Variants in AMIGO3 observed in about 807,000 individuals in gnomAD.
AMIGO3 encodes the protein amphoterin-induced protein 3.
AMIGO3 carries 6 observed loss-of-function variants against 4.3 expected under a neutral mutation model. That is an observed-to-expected ratio of 1.39 (90% CI 0.76 to 2.75). The LOEUF (loss-of-function observed/expected upper bound fraction) is 2.75. Among genes scored for constraint, AMIGO3 ranks in the 30% most tolerant of loss-of-function variants. The pLI is 0.00. For missense variants in AMIGO3, 771 were observed against 692.1 expected (o/e 1.11, Z -1.28); for synonymous variants, 315 against 320.0 (o/e 0.98, Z 0.17).
rs2080310110 is a variant in AMIGO3, at chr3:49,718,692, C to T, written c.774G>A (p.Ala258=). 6.2e-7 allele frequency: 1 copy of T among 1,612,966 alleles called. No individual in the cohort carries two copies. Among genetic ancestry groups the T allele is most frequent in the East Asian group, 2.2e-5 (1 of 44,882 alleles). ...EYVCLAFKVP[A]SRVRFFQHSR... ...TGTGCTGGAAGAAGCGCACGCGGGA[C>T]GCGGGTACCTTGAAGGCCAAGCATA... Residue 258 remains alanine, a synonymous_variant, in exon 1 of 1, where the codon GCG becomes GCA. Transcript: ENST00000320431.
In AMIGO3 at chr3:49,717,661, C is replaced by T. The variant is rs1355486899; in HGVS notation, c.*290G>A. On this transcript the variant is annotated 3_prime_UTR_variant, in exon 1 of 1. Transcript: ENST00000320431. ...CACAGGGGCCTGGGTCTCTCAGCCT[C>T]ACAGGGCATTTGGGCACTAGGAAGT... 1 of 515,068 alleles carries T rather than the reference C, an allele frequency of 1.9e-6. No homozygotes were observed. The highest frequency in any genetic ancestry group is 1.9e-5 in the African/African-American group (1 of 52,162). 31.9% of individuals were successfully genotyped at this position (515,068 alleles called of 1,614,324 possible).
chr3:49,718,277 G>A lies in AMIGO3; in HGVS notation c.1189C>T (p.Leu397Phe). 3 of 1,612,942 alleles carry A rather than the reference G, an allele frequency of 1.9e-6. No individual in the cohort carries two copies. Among genetic ancestry groups the A allele is most frequent in the Non-Finnish European group, 1.7e-6 (2 of 1,179,804 alleles). Residue 397 changes from leucine to phenylalanine, a missense_variant, in exon 1 of 1, where the codon CTC becomes TTC. Leu to Phe is a conservative substitution (Grantham distance 22). Coordinates refer to ENST00000320431, the MANE Select transcript of AMIGO3 (RefSeq NM_198722.3). The part of the protein sequence containing the change: ...TLLGCAVGLV[L>F]VLLYLFAPPC... ...GGGGCGAACAGGTAGAGCAGCACGA[G>A]CACAAGGCCCACGGCACAGCCCAGC...
rs764481919 is a variant in AMIGO3 at position 49,718,935 on chromosome 3, C to A, written c.531G>T (p.Leu177=). The change falls in exon 1 of 1, where the codon CTG becomes CTT. Residue 177 remains leucine, a synonymous_variant. Coordinates refer to ENST00000320431, the MANE Select transcript of AMIGO3 (RefSeq NM_198722.3). ...NELASFSFDH[L]HGLSATHLLT... ...GCAGGTGGGTGGCGCTCAGACCGTG[C>A]AGGTGGTCGAAGGAGAACGAGGCGA... 1 of 1,613,606 alleles carries A rather than the reference C, an allele frequency of 6.2e-7. No homozygotes were observed. The highest frequency in any genetic ancestry group is 8.5e-7 in the Non-Finnish European group (1 of 1,180,048).
In AMIGO3 at chr3:49,719,434, A is replaced by G. The variant is rs1257895431; in HGVS notation, c.32T>C (p.Leu11Pro). 2 of 1,613,472 alleles carry G rather than the reference A, an allele frequency of 1.2e-6. No individual in the cohort carries two copies. Among genetic ancestry groups the G allele is most frequent in the South Asian group, 2.2e-5 (2 of 91,048 alleles). MTWLVLLGTL[L>P]CMLRVGLGTP... ...GCCTAACCCAACGCGCAGCATGCAG[A>G]GCAGTGTCCCCAGCAGCACCAACCA... Residue 11 changes from leucine to proline, a missense_variant, in exon 1 of 1, where the codon CTC becomes CCC. Physicochemically the swap from Leu to Pro is moderately conservative, Grantham distance 98 (BLOSUM62 -3). Coordinates refer to ENST00000320431, the MANE Select transcript of AMIGO3 (RefSeq NM_198722.3).
At position 49,718,157 on chromosome 3, in the gene AMIGO3, T is replaced by A; in HGVS notation, c.1309A>T (p.Ser437Cys). ...QELSAQSSVL[S>C]TTPPDAPSRK... is the part of the protein sequence containing the mutation. ...CTGGGTGCGTCTGGCGGTGTGGTGC[T>A]GAGTACTGAGGACTGTGCGCTCAGC... Residue 437 changes from serine to cysteine, a missense_variant, in exon 1 of 1, where the codon AGC (serine) becomes TGC (cysteine). By Grantham distance (112) the Ser-to-Cys change is moderately radical. Coordinates refer to ENST00000320431, the MANE Select transcript of AMIGO3 (RefSeq NM_198722.3). 1.2e-6 allele frequency: 2 copies of A among 1,613,200 alleles called. No homozygotes were observed. Among genetic ancestry groups the A allele is most frequent in the Non-Finnish European group, 1.7e-6 (2 of 1,180,026 alleles).
Position 49,717,791 on chromosome 3 carries a change from C to T in AMIGO3, c.*160G>A, listed in dbSNP as rs1035027032. On this transcript the variant is annotated 3_prime_UTR_variant, in exon 1 of 1. Transcript: ENST00000320431. ...TTGGGGACCACAACCCCTGTCTCTA[C>T]CAGTGAGCGAGAAGGCCCATTGTGT... 5.1e-6 allele frequency: 4 copies of T among 779,050 alleles called. No homozygotes were observed. The South Asian group carries it at 5.5e-5, about 11-fold the overall frequency. The allele number at this position is 779,050 out of a possible 1,614,324, so 48.3% of individuals were successfully genotyped here. A position where few individuals can be genotyped will look rare whatever the true frequency, so the allele number is the denominator to read the frequency against.
Position 49,718,057 on chromosome 3 carries a change from A to T in AMIGO3, c.1409T>A (p.Leu470Gln), listed in dbSNP as rs143695343. Reference protein sequence around the residue: ...GRRGLNGRVQLAVAEEFDLYN... With the variant: ...GRRGLNGRVQQAVAEEFDLYN... ...GAGATCGAATTCCTCAGCTACTGCCAGCTGCACGCGGCCATTGAGGCCCCT... is the reference window on the plus strand; with the variant it reads ...GAGATCGAATTCCTCAGCTACTGCCTGCTGCACGCGGCCATTGAGGCCCCT... The change falls in exon 1 of 1, where the codon CTG becomes CAG. Residue 470 changes from leucine to glutamine, a missense_variant. Coordinates refer to ENST00000320431, the MANE Select transcript of AMIGO3 (RefSeq NM_198722.3). 8.7e-6 allele frequency: 14 copies of T among 1,613,538 alleles called. No individual in the cohort carries two copies. Among genetic ancestry groups the T allele is most frequent in the African/African-American group, 1.3e-5 (1 of 74,950 alleles).
chr3:49,719,654 C>A lies in AMIGO3; in HGVS notation c.-189G>T. ...TTGTGAGGCGGTGCGGCACTCTTAG[C>A]CGCGCTCCCTTCGGCTTCGCTAGCC... On this transcript the variant is annotated 5_prime_UTR_variant, in exon 1 of 1. Coordinates refer to ENST00000320431, the MANE Select transcript of AMIGO3 (RefSeq NM_198722.3). 1 of 581,458 alleles carries A rather than the reference C, an allele frequency of 1.7e-6. No individual in the cohort carries two copies. The highest frequency in any genetic ancestry group is 3.1e-6 in the Non-Finnish European group (1 of 324,060). 36.0% of individuals were successfully genotyped at this position (581,458 alleles called of 1,614,324 possible). A position where few individuals can be genotyped will look rare whatever the true frequency, so the allele number is the denominator to read the frequency against.
Position 49,719,400 on chromosome 3 carries a change from G to A in AMIGO3, c.66C>T (p.Asp22=). 1 of 1,613,668 alleles carries A rather than the reference G, an allele frequency of 6.2e-7. No homozygotes were observed. The highest frequency in any genetic ancestry group is 8.5e-7 in the Non-Finnish European group (1 of 1,180,044). The change falls in exon 1 of 1, where the codon GAC becomes GAT. Residue 22 remains aspartate, a synonymous_variant. Coordinates refer to ENST00000320431, the MANE Select transcript of AMIGO3 (RefSeq NM_198722.3). ...CMLRVGLGTP[D]SEGFPPRALH... The stretch of plus-strand genomic sequence containing the variant: ...GCGCACGGGGCGGGAAACCCTCGGA[G>A]TCCGGGGTGCCTAACCCAACGCGCA...
chr3:49,718,495 G>T lies in AMIGO3; in HGVS notation c.971C>A (p.Ser324Tyr). 1 of 1,613,128 alleles carries T rather than the reference G, an allele frequency of 6.2e-7. No homozygotes were observed. The highest frequency in any genetic ancestry group is 8.5e-7 in the Non-Finnish European group (1 of 1,179,946). ...PQQELLRAPGSRDGSIAVLAD... is the reference protein window; with the variant it reads ...PQQELLRAPGYRDGSIAVLAD... ...CAGCACCGCGATGCTGCCATCGCGGGATCCTGGCGCCCTGAGAAGCTCCTG... is the reference window on the plus strand; with the variant it reads ...CAGCACCGCGATGCTGCCATCGCGGTATCCTGGCGCCCTGAGAAGCTCCTG... The change falls in exon 1 of 1, where the codon TCC becomes TAC. Residue 324 changes from serine (S) to tyrosine (Y), a missense_variant. Coordinates refer to ENST00000320431, the MANE Select transcript of AMIGO3 (RefSeq NM_198722.3).
chr3:49,718,848 CAG>C lies in AMIGO3; in HGVS notation c.616_617del (p.Leu206AlafsTer65), dbSNP rs2080315226. ...GHISVPELAA[L>X]PAFLKNGLYL... ...AGAGGCCGTTCTTGAGGAAGGCCGG[CAG>C]CGCGGCCAGCTCAGGTACGGAGATG... On this transcript the variant is annotated frameshift_variant, in exon 1 of 1. Coordinates refer to ENST00000320431, the MANE Select transcript of AMIGO3 (RefSeq NM_198722.3). LOFTEE classifies it low-confidence loss of function (END_TRUNC). The C allele has an allele frequency of 6.2e-7, 1 of 1,613,324 alleles. No individual in the cohort carries two copies. Among genetic ancestry groups the C allele is most frequent in the African/African-American group, 1.3e-5 (1 of 74,954 alleles).
Position 49,719,046 on chromosome 3 carries a change from C to T in AMIGO3, c.420G>A (p.Leu140=). 7 of 1,613,896 alleles carry T rather than the reference C, an allele frequency of 4.3e-6. No individual in the cohort carries two copies. The highest frequency in any genetic ancestry group is 5.9e-6 in the Non-Finnish European group (7 of 1,180,034). The part of the protein sequence containing the change: ...DGLGALEKLL[L]FNNRLVHLDE... Reference sequence around the variant, plus strand: ...CCAAGTGCACCAAGCGGTTATTGAACAGAAGCAGCTTCTCCAGCGCCCCCA... The same window carrying T: ...CCAAGTGCACCAAGCGGTTATTGAATAGAAGCAGCTTCTCCAGCGCCCCCA... Residue 140 remains leucine, a synonymous_variant, in exon 1 of 1, where the codon CTG becomes CTA. Coordinates refer to ENST00000320431, the MANE Select transcript of AMIGO3 (RefSeq NM_198722.3).
chr3:49,717,904 G>A lies in AMIGO3; in HGVS notation c.*47C>T, dbSNP rs1318725661. The A allele has an allele frequency of 6.4e-7, 1 of 1,567,908 alleles. No homozygotes were observed. The highest frequency in any genetic ancestry group is 1.9e-4 in the Middle Eastern group (1 of 5,142). On this transcript the variant is annotated 3_prime_UTR_variant, in exon 1 of 1. Coordinates refer to ENST00000320431, the MANE Select transcript of AMIGO3 (RefSeq NM_198722.3). Reference sequence around the variant, plus strand: ...TCTCTGGACCGAAGCAGGGAGCAGGGCGAGCAGCAAGAGGGTGGGGGCCTG... The same window carrying A: ...TCTCTGGACCGAAGCAGGGAGCAGGACGAGCAGCAAGAGGGTGGGGGCCTG...
In AMIGO3 at chr3:49,719,122, T is replaced by G. The variant is rs181529239; in HGVS notation, c.344A>C (p.Asp115Ala). The change falls in exon 1 of 1, where the codon GAT becomes GCT. Residue 115 changes from aspartate to alanine, a missense_variant. Coordinates refer to ENST00000320431, the MANE Select transcript of AMIGO3 (RefSeq NM_198722.3). ...CGCCCGCAACGTGTTAGATGATAGA[T>G]CGAGCAGCCTCAGGCCGCTGGCGTT... ...FVNASGLRLL[D>A]LSSNTLRALG... The G allele has an allele frequency of 1.1e-5, 17 of 1,613,484 alleles. No homozygotes were observed. The East Asian group carries it at 3.8e-4, about 36-fold the overall frequency.
chr3:49,717,959 T>A lies in AMIGO3; in HGVS notation c.1507A>T (p.Thr503Ser), dbSNP rs1374729117. The A allele has an allele frequency of 3.7e-6, 6 of 1,612,094 alleles. No individual in the cohort carries two copies. The highest frequency in any genetic ancestry group is 1.6e-4 in the Middle Eastern group (1 of 6,062). Residue 503 changes from threonine to serine, a missense_variant, in exon 1 of 1, where the codon ACA becomes TCA. Transcript: ENST00000320431. Reference protein sequence around the residue: ...ASSIGSEGPMTT With the variant: ...ASSIGSEGPMST ...GGGGAGCCCTGGGCAGTCTAGGTTG[T>A]CATGGGACCCTCGGAGCCTATGGAG... is the stretch of plus-strand genomic sequence containing the variant.
rs148158961 is a variant in AMIGO3 at position 49,717,972 on chromosome 3, G to A, written c.1494C>T (p.Ser498=). The change falls in exon 1 of 1, where the codon TCC becomes TCT. Residue 498 remains serine (S), a synonymous_variant. Transcript: ENST00000320431. ...AGSESASSIG[S]EGPMTT is the part of the protein sequence containing the mutation. ...CAGTCTAGGTTGTCATGGGACCCTCGGAGCCTATGGAGCTGGCGGACTCAG... is the reference window on the plus strand; with the variant it reads ...CAGTCTAGGTTGTCATGGGACCCTCAGAGCCTATGGAGCTGGCGGACTCAG... 1.7e-3 allele frequency: 2,727 copies of A among 1,613,194 alleles called. 4 individuals carry two copies. Among genetic ancestry groups the A allele is most frequent in the Admixed American group, 4.4e-3 (262 of 60,004 alleles).
Position 49,718,109 on chromosome 3 carries a change from G to A in AMIGO3, c.1357C>T (p.His453Tyr). 1.9e-6 allele frequency: 3 copies of A among 1,613,572 alleles called. No homozygotes were observed. The highest frequency in any genetic ancestry group is 2.5e-6 in the Non-Finnish European group (3 of 1,180,050). Residue 453 changes from histidine (H) to tyrosine (Y), a missense_variant, in exon 1 of 1, where the codon CAC becomes TAC. His to Tyr is a moderately conservative substitution (Grantham distance 83, BLOSUM62 2). Coordinates refer to ENST00000320431, the MANE Select transcript of AMIGO3 (RefSeq NM_198722.3). ...APSRKASVHK[H>Y]VVFLEPGRRG... ...CGGCCTGGCTCCAGAAAGACTACGT[G>A]CTTGTGGACGCTGGCCTTGCGGCTG...
Position 49,717,090 on chromosome 3 carries a change from A to G in AMIGO3, c.*861T>C, listed in dbSNP as rs568637719. ...CGTGGAGTTCCGGCTCGGCCCTCCC[A>G]GCTCGGCCATGCTCGCCAGGCTTTT... On this transcript the variant is annotated 3_prime_UTR_variant, in exon 1 of 1. Transcript: ENST00000320431. 331 of 153,080 alleles carry G rather than the reference A, an allele frequency of 2.2e-3. No homozygotes were observed. Among genetic ancestry groups the G allele is most frequent in the Admixed American group, 4.2e-3 (64 of 15,400 alleles). The allele number at this position is 153,080 out of a possible 1,614,324, so 9.5% of individuals were successfully genotyped here. A position where few individuals can be genotyped will look rare whatever the true frequency, so the allele number is the denominator to read the frequency against.
chr3:49,718,499 C>G lies in AMIGO3; in HGVS notation c.967G>C (p.Gly323Arg). 1 of 1,613,148 alleles carries G rather than the reference C, an allele frequency of 6.2e-7. No individual in the cohort carries two copies. Among genetic ancestry groups the G allele is most frequent in the Non-Finnish European group, 8.5e-7 (1 of 1,179,940 alleles). The change falls in exon 1 of 1, where the codon GGA becomes CGA. Residue 323 changes from glycine (G) to arginine (R), a missense_variant. Physicochemically the swap from Gly to Arg is moderately radical, Grantham distance 125. Coordinates refer to ENST00000320431, the MANE Select transcript of AMIGO3 (RefSeq NM_198722.3). ...ACCGCGATGCTGCCATCGCGGGATC[C>G]TGGCGCCCTGAGAAGCTCCTGCTGC... The part of the protein sequence containing the change: ...SPQQELLRAP[G>R]SRDGSIAVLA...
Sources: gnomAD v4.1 joint callset for allele counts on GRCh38, gnomAD v4.1.1 for gene constraint, MANE v1.5 for transcripts, NCBI Gene and HGNC (gene_info 2026-07-23, HGNC 2026-07-21) for gene names.